The following OPRM1 variants were observed in gnomAD, a reference collection of about 807,000 sequenced individuals.
OPRM1 encodes the protein mu-type opioid receptor.
OPRM1 carries 27 observed loss-of-function variants against 31.8 expected under a neutral mutation model. The ratio of observed to expected loss-of-function variants is 0.85; its 90% confidence interval spans 0.63 to 1.17. The LOEUF is 1.17. OPRM1 is among the 50% of genes most tolerant of loss of function. OPRM1 has a pLI of 0.00. For missense variants in OPRM1, 536 were observed against 511.1 expected (o/e 1.05, Z -0.47); for synonymous variants, 196 against 189.9 (o/e 1.03, Z -0.26).
rs146664938 is a variant in OPRM1, at chr6:154,090,696, A to G, written c.644-256A>G. ...GGATCTAGCTCATGTTGAGAGGTTC[A>G]TTTTTGTTCCCTGAACGAAAGCTTA... On this transcript the variant is annotated intron_variant, in intron 2 of 3. Transcript: ENST00000330432. 1.6e-4 allele frequency among the ~76,000 whole-genome samples: 25 copies of G among 152,332 alleles called. No individual in the cohort carries two copies. In the East Asian group the frequency reaches 2.7e-3, roughly 16 times the overall value.
intron 1 of OPRM1, among the ~76,000 whole-genome samples, chr6:154,018,571 G>A (rs1778149975): frequency 6.8e-6 from 1 of 147,670 alleles, no homozygotes; most frequent in African/African-American, 2.5e-5. Flanking sequence ...ACCAATTATA[G>A]TCCTAGTAAA....
intron 1 of OPRM1, among the ~76,000 whole-genome samples, chr6:154,071,242 G>A (rs766622169): frequency 3.3e-5 from 5 of 152,174 alleles, no homozygotes; most frequent in African/African-American, 4.8e-5. Flanking sequence ...TCATTAAAAA[G>A]GTGAGATGGT....
Position 154,246,079 on chromosome 6 carries a change from C to T in OPRM1, c.1165-614C>T, listed in dbSNP as rs1055308964. Among the ~76,000 whole-genome samples, 5 of 152,050 alleles carry T rather than the reference C, an allele frequency of 3.3e-5. No homozygotes were observed. The East Asian group carries it at 7.7e-4, about 23-fold the overall frequency. On this transcript the variant is annotated intron_variant, in intron 3 of 3. Coordinates refer to the OPRM1 transcript ENST00000337049. ...AATGCAAAGCTGGCATAGGGGTTAG[C>T]GATTCCAAACCAACCCATTTGATAA...
At chr6:154,035,415 T>C (rs1779246603), upstream of OPRM1, among the ~76,000 whole-genome samples, 1 of 152,176 alleles carries the variant, frequency 6.6e-6, no homozygotes, top group South Asian at 2.1e-4. Context: ...TCACAATGCA[T>C]TTGCATTCTC....
chr6:154,121,860 A>G lies in OPRM1; in HGVS notation c.*3139A>G, dbSNP rs1348188068. On this transcript the variant is annotated 3_prime_UTR_variant, in exon 4 of 4. Transcript: ENST00000330432. The stretch of plus-strand genomic sequence containing the variant: ...TCTATTTATACGTTTAAAAGCTAAA[A>G]ACAAGATCTTTTTGGTAATGCTTCA... 6.6e-6 allele frequency among the ~76,000 whole-genome samples: 1 copy of G among 152,228 alleles called. No homozygotes were observed. The highest frequency in any genetic ancestry group is 1.9e-4 in the East Asian group (1 of 5,208).
intron 1 of OPRM1, among the ~76,000 whole-genome samples, chr6:154,062,229 A>G (rs1246675409): frequency 2.6e-5 from 4 of 152,182 alleles, no homozygotes; most frequent in Non-Finnish European, 5.9e-5. Flanking sequence ...CAGAAGTAGT[A>G]GATGATCCTG....
intron 3 of OPRM1, among the ~76,000 whole-genome samples, chr6:154,141,734 C>T (rs1249286190): frequency 1.3e-5 from 2 of 152,264 alleles, no homozygotes; most frequent in African/African-American, 2.4e-5. Flanking sequence ...GAAAGACAAG[C>T]TGTTGCATTC....
At position 154,090,963 on chromosome 6, in the gene OPRM1, T is replaced by C; in HGVS notation, c.655T>C (p.Cys219Arg). The change falls in exon 3 of 4, where the codon TGT becomes CGT. Residue 219 changes from cysteine to arginine, a missense_variant. Cys to Arg is a radical substitution (Grantham distance 180). Transcript: ENST00000330432. ...TTKYRQGSIDCTLTFSHPTWY... is the reference protein window; with the variant it reads ...TTKYRQGSIDRTLTFSHPTWY... ...TTCCTTTCTTCTAGGTTCCATAGAT[T>C]GTACACTAACATTCTCTCATCCAAC... 2 of 1,613,148 alleles carry C rather than the reference T, an allele frequency of 1.2e-6. No individual in the cohort carries two copies. Among genetic ancestry groups the C allele is most frequent in the Non-Finnish European group, 1.7e-6 (2 of 1,179,570 alleles).
intron 1 of OPRM1, among the ~76,000 whole-genome samples, chr6:154,060,071 C>T (rs770906872): frequency 7.2e-5 from 11 of 151,910 alleles, no homozygotes; most frequent in Non-Finnish European, 7.4e-5. Flanking sequence ...TAATAGTAAC[C>T]GAGAAAAATT....
chr6:154,091,843 C>T (rs1274012165), intron 3 of OPRM1: 6 of 1,002,762 alleles, frequency 6.0e-6, no homozygotes, highest in Admixed American at 5.6e-5. Flanking sequence ...TGCTGCAATA[C>T]CCCTCTTATT....
chr6:154,079,348 T>C (rs1360991141), intron 1 of OPRM1, among the ~76,000 whole-genome samples: 1 of 151,686 alleles, frequency 6.6e-6, no homozygotes, highest in African/African-American at 2.4e-5. Flanking sequence ...GTCAATGGAG[T>C]TGGGAAATTT....
At chr6:154,163,112 A>T (rs570690671) in intron 3 of OPRM1, among the ~76,000 whole-genome samples, 2 of 152,240 alleles carry the variant, frequency 1.3e-5, no homozygotes, top group African/African-American at 4.8e-5. Flanking sequence ...TTCTGTTCAG[A>T]ACCTTCCAGA....
Position 154,091,117 on chromosome 6 carries a change from C to A in OPRM1, c.809C>A (p.Ser270Tyr), listed in dbSNP as rs201829386. 2.3e-5 allele frequency: 37 copies of A among 1,613,968 alleles called. No individual in the cohort carries two copies. Among genetic ancestry groups the A allele is most frequent in the Non-Finnish European group, 2.8e-5 (33 of 1,180,028 alleles). ...RLKSVRMLSGSKEKDRNLRRI... is the reference protein window; with the variant it reads ...RLKSVRMLSGYKEKDRNLRRI... ...AAGAGTGTCCGCATGCTCTCTGGCT[C>A]CAAAGAAAAGGACAGGAATCTTCGA... The change falls in exon 3 of 4, where the codon TCC becomes TAC. Residue 270 changes from serine (S) to tyrosine (Y), a missense_variant. Ser to Tyr is a moderately radical substitution (Grantham distance 144). Coordinates refer to ENST00000330432, the MANE Select transcript of OPRM1 (RefSeq NM_000914.5).
At chr6:154,216,741 G>A (rs1281629144) in intron 3 of OPRM1, among the ~76,000 whole-genome samples, 1 of 152,230 alleles carries the variant, frequency 6.6e-6, no homozygotes, top group East Asian at 1.9e-4. Flanking sequence ...GGTGGCACAC[G>A]CCTATAATCC....
In OPRM1 at chr6:154,175,066, A is replaced by G. The variant is rs554566888; in HGVS notation, c.1165-71627A>G. 3.3e-5 allele frequency among the ~76,000 whole-genome samples: 5 copies of G among 152,358 alleles called. No individual in the cohort carries two copies. The South Asian group carries it at 8.3e-4, about 25-fold the overall frequency. On this transcript the variant is annotated intron_variant, in intron 3 of 3. Transcript: ENST00000337049. The stretch of plus-strand genomic sequence containing the variant: ...TGGAAACTGAACAACCTGCTCCTGA[A>G]TGACTACTGGGTAAATAACAAAATG...
In OPRM1 at chr6:154,203,033, C is replaced by A. The variant is rs116013261; in HGVS notation, c.1165-43660C>A. Among the ~76,000 whole-genome samples the A allele has an allele frequency of 5.1e-3, 770 of 152,234 alleles. 4 individuals carry two copies. The highest frequency in any genetic ancestry group is 0.018 in the African/African-American group (729 of 41,536). On this transcript the variant is annotated intron_variant, in intron 3 of 3. Coordinates refer to the OPRM1 transcript ENST00000337049. ...TTTCCAAGGATTCAGTATGAAAACA[C>A]GCTTTATAGACCGTGTAGTGCTAAG...
Position 154,090,986 on chromosome 6 carries a change from A to C in OPRM1, c.678A>C (p.Pro226=). 6.2e-7 allele frequency: 1 copy of C among 1,614,082 alleles called. No individual in the cohort carries two copies. Among genetic ancestry groups the C allele is most frequent in the South Asian group, 1.1e-5 (1 of 91,050 alleles). The stretch of plus-strand genomic sequence containing the variant: ...ATTGTACACTAACATTCTCTCATCC[A>C]ACCTGGTACTGGGAAAACCTGCTGA... The part of the protein sequence containing the change: ...SIDCTLTFSH[P]TWYWENLLKI... The change falls in exon 3 of 4, where the codon CCA becomes CCC. Residue 226 remains proline, a synonymous_variant. Coordinates refer to ENST00000330432, the MANE Select transcript of OPRM1 (RefSeq NM_000914.5).
At chr6:154,239,734 C>T (rs970756259) in intron 3 of OPRM1, among the ~76,000 whole-genome samples, 1 of 152,172 alleles carries the variant, frequency 6.6e-6, no homozygotes, top group African/African-American at 2.4e-5. Context: ...GACGCAGTCT[C>T]GCTCTGTCAC....
intron 3 of OPRM1, among the ~76,000 whole-genome samples, chr6:154,196,400 CTTCT>C (rs968576609): frequency 6.6e-6 from 1 of 152,114 alleles, no homozygotes; most frequent in African/African-American, 2.4e-5. Flanking sequence ...ATGCCTGCCT[CTTCT>C]TTAACAATGT....
Sources: gnomAD v4.1 joint callset for allele counts (sites outside exome capture counted in the v4.1 genomes callset) on GRCh38, gnomAD v4.1.1 for gene constraint, MANE v1.5 for transcripts, NCBI Gene and HGNC (gene_info 2026-07-23, HGNC 2026-07-21) for gene names.